CLEC2A: variants seen among roughly 807,000 people sequenced by gnomAD.
CLEC2A encodes the protein C-type lectin domain family 2 member A, also known as keratinocyte-associated C-type lectin.
Under a neutral mutation model 18.6 loss-of-function variants are expected in CLEC2A, and 19 were observed. That is an observed-to-expected ratio of 1.02 (90% CI 0.71 to 1.50). The LOEUF is 1.50. Ranked by LOEUF, CLEC2A falls within the 40% of genes most tolerant of loss-of-function variation. The pLI, the probability that CLEC2A is intolerant of heterozygous loss-of-function variation, is 0.00. For synonymous variants in CLEC2A, 74 were observed against 64.0 expected, an observed-to-expected ratio of 1.16 and a Z score of -0.75; for missense variants, 190 against 207.9, an observed-to-expected ratio of 0.91 and a Z score of 0.53.
At chr12:9,927,425 G>A (rs1294461769) in intron 1 of CLEC2A, among the ~76,000 whole-genome samples, 1 of 152,122 alleles carries the variant, frequency 6.6e-6, no homozygotes, top group Non-Finnish European at 1.5e-5. Flanking sequence ...TATGGTGCAT[G>A]ACTATATGTG....
intron 4 of CLEC2A, among the ~76,000 whole-genome samples, chr12:9,903,973 G>A (rs765297981): frequency 3.3e-5 from 5 of 152,190 alleles, no homozygotes; most frequent in Non-Finnish European, 5.9e-5. Context: ...AGTTGGATCA[G>A]AGTGCAAGTG....
chr12:9,916,273 C>T (rs1863069706), intron 4 of CLEC2A, among the ~76,000 whole-genome samples: 1 of 151,870 alleles, frequency 6.6e-6, no homozygotes, highest in South Asian at 2.1e-4. Context: ...TTGTGGTGGG[C>T]ATTTGGAATG....
intron 1 of CLEC2A, 43 bp from the exon 2 acceptor site, chr12:9,926,386 C>A: frequency 8.3e-7 from 1 of 1,210,734 alleles, no homozygotes; most frequent in Non-Finnish European, 1.2e-6. Context: ...TCTGAATAAA[C>A]ACTGACTCGA....
chr12:9,913,411 A>G lies in CLEC2A; in HGVS notation c.*155T>C, dbSNP rs1863017077. ...ACGGCCTTGTCTCTTTAACCATGGC[A>G]GGGCACAGCAAGAAGTTTCCATCTA... On this transcript the variant is annotated 3_prime_UTR_variant, in exon 5 of 5. Coordinates refer to ENST00000455827, the MANE Select transcript of CLEC2A (RefSeq NM_001130711.2). 9 of 1,319,066 alleles carry G rather than the reference A, an allele frequency of 6.8e-6. No homozygotes were observed. The East Asian group carries it at 2.4e-4, about 35-fold the overall frequency. 81.7% of individuals were successfully genotyped at this position (1,319,066 alleles called of 1,614,324 possible).
intron 4 of CLEC2A, among the ~76,000 whole-genome samples, chr12:9,904,666 G>A (rs1329579740): frequency 6.6e-6 from 1 of 152,098 alleles, no homozygotes; most frequent in Non-Finnish European, 1.5e-5. Context: ...AGATTCCTAT[G>A]GGGTCTCGTC....
the CLEC2A span, chr12:9,881,586 A>G: frequency 6.6e-7 from 1 of 1,521,228 alleles, no homozygotes; most frequent in Non-Finnish European, 8.8e-7. Context: ...GACATTAGAC[A>G]TTTGAAGAGA....
chr12:9,883,290 A>G, the CLEC2A span, among the ~76,000 whole-genome samples: 1 of 152,210 alleles, frequency 6.6e-6, no homozygotes, highest in East Asian at 1.9e-4. Context: ...ATAAAATAAT[A>G]CAATTAGTGT....
At chr12:9,913,051 C>T (rs1863011493), downstream of CLEC2A, among the ~76,000 whole-genome samples, 3 of 152,176 alleles carry the variant, frequency 2.0e-5, no homozygotes, top group Non-Finnish European at 4.4e-5. Context: ...TTTTATGAAG[C>T]ATCCAAATAT....
chr12:9,915,108 A>T (rs1863049368), intron 4 of CLEC2A, among the ~76,000 whole-genome samples: 2 of 152,170 alleles, frequency 1.3e-5, no homozygotes, highest in African/African-American at 4.8e-5. Context: ...AAAAAGCTCA[A>T]CGTCACTGAT....
the CLEC2A span, among the ~76,000 whole-genome samples, chr12:9,878,214 G>A: frequency 6.6e-6 from 1 of 152,204 alleles, no homozygotes; most frequent in African/African-American, 2.4e-5. Flanking sequence ...CGTTTCTGGA[G>A]AGAATGGAGA....
At chr12:9,917,821 G>A (rs912854862) in intron 3 of CLEC2A, among the ~76,000 whole-genome samples, 11 of 152,000 alleles carry the variant, frequency 7.2e-5, no homozygotes, top group East Asian at 1.9e-4. Flanking sequence ...ATGATATCTC[G>A]TTGTGGTTTT....
At chr12:9,892,142 A>G in the CLEC2A span, among the ~76,000 whole-genome samples, 2 of 152,232 alleles carry the variant, frequency 1.3e-5, no homozygotes, top group Non-Finnish European at 1.5e-5. Context: ...CTATGTGTTG[A>G]GTCTTACAGA....
chr12:9,908,538 C>T (rs1046072779), downstream of CLEC2A, among the ~76,000 whole-genome samples: 4 of 152,042 alleles, frequency 2.6e-5, no homozygotes, highest in Admixed American at 6.6e-5. Flanking sequence ...CTACTAAAAA[C>T]GTTATGAGTT....
chr12:9,891,826 T>C, the CLEC2A span, among the ~76,000 whole-genome samples: 1 of 152,214 alleles, frequency 6.6e-6, no homozygotes, highest in East Asian at 1.9e-4. Flanking sequence ...TTTTTAATCT[T>C]AGCTGGACAT....
chr12:9,910,375 G>A (rs1478978569), downstream of CLEC2A, among the ~76,000 whole-genome samples: 1 of 152,130 alleles, frequency 6.6e-6, no homozygotes, highest in Non-Finnish European at 1.5e-5. Flanking sequence ...TTTCCCTGGA[G>A]TTTTCAACCT....
chr12:9,907,250 G>T (rs972271351), intron 4 of CLEC2A, among the ~76,000 whole-genome samples: 1 of 152,146 alleles, frequency 6.6e-6, no homozygotes, highest in East Asian at 1.9e-4. Flanking sequence ...TCTAGGGAGG[G>T]TAAAGCTAGA....
downstream of CLEC2A, chr12:9,895,928 C>T (rs1862751350): frequency 8.3e-7 from 1 of 1,210,556 alleles, no homozygotes; most frequent in Non-Finnish European, 1.1e-6. Flanking sequence ...CAGAAAGTTT[C>T]TGCTAACAGA....
the CLEC2A span, chr12:9,885,039 A>C: frequency 8.0e-6 from 9 of 1,124,312 alleles, no homozygotes; most frequent in Non-Finnish European, 9.2e-6. Context: ...TGGCGTGAGT[A>C]GTAAATTTTT....
chr12:9,889,630 C>A, the CLEC2A span, among the ~76,000 whole-genome samples: 6 of 150,296 alleles, frequency 4.0e-5, no homozygotes, highest in South Asian at 4.2e-4. Context: ...AAATCTCTCT[C>A]TATATGTGTA....
Sources: allele counts gnomAD v4.1 joint callset (sites outside exome capture counted in the v4.1 genomes callset), GRCh38; gene constraint gnomAD v4.1.1; transcripts MANE v1.5; gene names NCBI Gene and HGNC (gene_info 2026-07-23, HGNC 2026-07-21).